Variants in MRE11 observed in about 807,000 individuals in gnomAD.
MRE11 encodes the protein double-strand break repair protein MRE11.
MRE11 carries 62 observed loss-of-function variants against 91.7 expected under a neutral mutation model. That is an observed-to-expected ratio of 0.68 (90% CI 0.55 to 0.84). MRE11 has a LOEUF of 0.84. MRE11 is among the 40% of genes least tolerant of loss of function. MRE11 has a pLI of 0.00. For missense variants in MRE11, 796 were observed against 852.9 expected, an observed-to-expected ratio of 0.93 and a Z score of 0.83; for synonymous variants, 273 against 271.4, an observed-to-expected ratio of 1.01 and a Z score of -0.06.
intron 18 of MRE11, among the ~76,000 whole-genome samples, chr11:94,431,706 C>G (rs556361071): frequency 6.6e-6 from 1 of 152,302 alleles, no homozygotes; most frequent in African/African-American, 2.4e-5. Context: ...AAAGTTATAA[C>G]TATAATCTAT....
the MRE11 span, among the ~76,000 whole-genome samples, chr11:94,503,822 G>A: frequency 2.5e-4 from 25 of 101,414 alleles, no homozygotes; most frequent in Admixed American, 3.5e-3. Flanking sequence ...GCGAGACTCC[G>A]TCTCAAAAAA....
At chr11:94,475,246 A>C (rs1052180972) in intron 7 of MRE11, 1 of 153,966 alleles carries the variant, frequency 6.5e-6, no homozygotes, top group Non-Finnish European at 1.4e-5. Flanking sequence ...TTTTAAAGCA[A>C]TACAGTATAA....
intron 10 of MRE11, among the ~76,000 whole-genome samples, chr11:94,465,202 T>G (rs1946529564): frequency 6.6e-6 from 1 of 152,224 alleles, no homozygotes; most frequent in Non-Finnish European, 1.5e-5. Context: ...CAATATGTGC[T>G]GTTTTATGAA....
intron 3 of MRE11, among the ~76,000 whole-genome samples, chr11:94,488,280 T>C (rs1947193593): frequency 3.3e-5 from 5 of 152,284 alleles, no homozygotes; most frequent in Middle Eastern, 3.4e-3. Context: ...CCTTACATTC[T>C]ATTATTGAAA....
chr11:94,437,550 A>G (rs1019502446), intron 16 of MRE11, among the ~76,000 whole-genome samples: 8 of 152,204 alleles, frequency 5.3e-5, no homozygotes, highest in Non-Finnish European at 1.0e-4. Context: ...AATGAACTAC[A>G]AATGTATTGA....
chr11:94,499,338 C>T, the MRE11 span: 1 of 152,454 alleles, frequency 6.6e-6, no homozygotes, highest in Non-Finnish European at 1.5e-5. Context: ...CTGATTTGGG[C>T]ACTGCTTGTA....
chr11:94,472,926 T>A (rs1946754790), intron 7 of MRE11: 1 of 152,042 alleles, frequency 6.6e-6, no homozygotes, highest in Non-Finnish European at 1.5e-5. Flanking sequence ...GTATAACTTG[T>A]CAGTTAGTGA....
In MRE11 at chr11:94,442,676, G is replaced by A. The variant is rs560978492; in HGVS notation, c.1867+3134C>T. Among the ~76,000 whole-genome samples the A allele has an allele frequency of 2.6e-5, 4 of 152,244 alleles. No individual in the cohort carries two copies. In the South Asian group the frequency reaches 6.2e-4, roughly 24 times the overall value. Reference sequence around the variant, plus strand: ...ATTTTTAAAAGAACACTTGATAAATGCCTACTGTGCCAGGCTTTTTGATCA... The same window carrying A: ...ATTTTTAAAAGAACACTTGATAAATACCTACTGTGCCAGGCTTTTTGATCA... On this transcript the variant is annotated intron_variant, in intron 16 of 19. Coordinates refer to ENST00000323929, the MANE Select transcript of MRE11 (RefSeq NM_005591.4).
chr11:94,435,763 A>C, intron 18 of MRE11, 69 bp downstream of exon 18: 1 of 1,332,996 alleles, frequency 7.5e-7, no homozygotes, highest in Non-Finnish European at 1.1e-6. Flanking sequence ...AAAAATGTGT[A>C]ACTTTGGAAT....
At chr11:94,454,388 A>G (rs912814595) in intron 14 of MRE11, among the ~76,000 whole-genome samples, 8 of 152,110 alleles carry the variant, frequency 5.3e-5, no homozygotes, top group African/African-American at 1.9e-4. Context: ...ACTTTAAAGC[A>G]TACTGTTTTT....
chr11:94,481,644 G>T (rs1225742129), intron 4 of MRE11, among the ~76,000 whole-genome samples: 1 of 152,144 alleles, frequency 6.6e-6, no homozygotes, highest in African/African-American at 2.4e-5. Flanking sequence ...CAGTTTTACT[G>T]AATCCATTAT....
intron 19 of MRE11, among the ~76,000 whole-genome samples, chr11:94,427,870 A>T (rs1003448655): frequency 6.6e-6 from 1 of 152,186 alleles, no homozygotes; most frequent in Non-Finnish European, 1.5e-5. Flanking sequence ...AGAACTATGA[A>T]ACACTGCTGA....
intron 14 of MRE11, among the ~76,000 whole-genome samples, chr11:94,447,797 C>T (rs574386022): frequency 5.9e-5 from 9 of 152,064 alleles, no homozygotes; most frequent in South Asian, 2.1e-4. Context: ...GATCACACCA[C>T]TGCACTCCAG....
chr11:94,430,494 T>C (rs1271432226), intron 18 of MRE11, among the ~76,000 whole-genome samples: 3 of 151,936 alleles, frequency 2.0e-5, no homozygotes, highest in Non-Finnish European at 1.5e-5. Flanking sequence ...TCTTTTTTTT[T>C]TTTTTGAGAT....
intron 14 of MRE11, among the ~76,000 whole-genome samples, 161 bp from the exon 15 acceptor site, chr11:94,447,599 C>T (rs1459502646): frequency 1.4e-5 from 2 of 140,914 alleles, no homozygotes; most frequent in Admixed American, 7.7e-5. Flanking sequence ...GAGGCCGAGG[C>T]GGGAGGATCA....
chr11:94,482,354 G>A (rs934492786), intron 4 of MRE11, among the ~76,000 whole-genome samples: 1 of 152,056 alleles, frequency 6.6e-6, no homozygotes, highest in South Asian at 2.1e-4. Flanking sequence ...GTTTTATACC[G>A]GAACCCATGC....
At chr11:94,421,023 G>C (rs1945157154) in intron 19 of MRE11, among the ~76,000 whole-genome samples, 1 of 147,060 alleles carries the variant, frequency 6.8e-6, no homozygotes, top group South Asian at 2.2e-4. Flanking sequence ...CAGAGCGAGA[G>C]ACTCCATCTC....
chr11:94,447,553 AC>A, intron 14 of MRE11, 115 bp from the exon 15 acceptor site: 1 of 1,061,614 alleles, frequency 9.4e-7, no homozygotes, highest in Non-Finnish European at 1.4e-6. Flanking sequence ...AAGGAGGCTG[AC>A]ACAGTGGCTC....
At chr11:94,501,935 T>A in the MRE11 span, among the ~76,000 whole-genome samples, 2 of 152,218 alleles carry the variant, frequency 1.3e-5, no homozygotes, top group Admixed American at 6.5e-5. Context: ...ATTGTTTTTT[T>A]AAAAAGCTAT....
Sources: allele counts gnomAD v4.1 joint callset (sites outside exome capture counted in the v4.1 genomes callset), GRCh38; gene constraint gnomAD v4.1.1; transcripts MANE v1.5; gene names NCBI Gene and HGNC (gene_info 2026-07-23, HGNC 2026-07-21).